TMPRSS6: variants seen among roughly 807,000 people sequenced by gnomAD.
The protein encoded by TMPRSS6 is transmembrane serine protease 6.
TMPRSS6 carries 67 observed loss-of-function variants against 101.5 expected under a neutral mutation model. That is an observed-to-expected ratio of 0.66 (90% confidence interval 0.54 to 0.81). The LOEUF (loss-of-function observed/expected upper bound fraction) is 0.81, where lower values mean the gene tolerates loss of function less well. TMPRSS6 is among the 30% of genes least tolerant of loss of function. TMPRSS6 has a pLI of 0.00. For synonymous variants in TMPRSS6, 453 were observed against 464.9 expected (o/e 0.97, Z 0.33); for missense variants, 1,034 against 1,088.7 (o/e 0.95, Z 0.71).
rs148538569 is a variant in TMPRSS6 at position 37,107,093 on chromosome 22, C to G, written c.-2+2410G>C. On this transcript the variant is annotated intron_variant, in intron 1 of 17. Transcript: ENST00000676104. ...GATCAGAAAGAATGAGTGAATGAAA[C>G]TGCCAAGTCTCTAGGCCCCTGGTAC... is the stretch of plus-strand genomic sequence containing the variant. 9.0e-3 allele frequency among the ~76,000 whole-genome samples: 1,372 copies of G among 152,334 alleles called. 15 individuals are homozygous for G. Among genetic ancestry groups the G allele is most frequent in the Middle Eastern group, 0.017 (5 of 294 alleles).
At chr22:37,071,933 A>C (rs1926953798) in intron 13 of TMPRSS6, among the ~76,000 whole-genome samples, 1 of 151,678 alleles carries the variant, frequency 6.6e-6, no homozygotes. Context: ...TGGATGGATG[A>C]TGGATGGGTG....
chr22:37,078,965 A>AAG (rs1247193223), intron 10 of TMPRSS6, among the ~76,000 whole-genome samples: 16 of 77,806 alleles, frequency 2.1e-4, no homozygotes, highest in African/African-American at 6.2e-4. Flanking sequence ...AAGAGAAAGA[A>AAG]AGAAAGAAAA....
At chr22:37,072,320 T>TG (rs1219107435) in intron 13 of TMPRSS6, among the ~76,000 whole-genome samples, 14 of 134,660 alleles carry the variant, frequency 1.0e-4, no homozygotes, top group Admixed American at 4.4e-4. Flanking sequence ...GATGGATGGA[T>TG]GATGGATGAA....
chr22:37,092,787 C>T (rs1049707528), intron 6 of TMPRSS6, among the ~76,000 whole-genome samples: 9 of 152,232 alleles, frequency 5.9e-5, no homozygotes, highest in African/African-American at 1.9e-4. Context: ...TGTGCCACCA[C>T]GCCCGGCCCA....
chr22:37,071,065 A>G, intron 13 of TMPRSS6, 33 bp from the exon 14 acceptor site: 1 of 1,597,292 alleles, frequency 6.3e-7, no homozygotes, highest in Non-Finnish European at 8.6e-7. Context: ...AGGGCACAGA[A>G]GGTGGGTCTC....
In TMPRSS6 at chr22:37,103,658, C is replaced by A; in HGVS notation, c.-1-240G>T. On this transcript the variant is annotated intron_variant, in intron 1 of 17. Coordinates refer to ENST00000676104, the MANE Select transcript of TMPRSS6 (RefSeq NM_001374504.1). The surrounding 1 kb of genome is among the most constrained non-coding windows in gnomAD (Gnocchi z 4.4). ...CTGGACTGGGTCTGGCTCAAGAACC[C>A]CACCTTTGCTTCCCACTGGCTTCCC... The A allele has an allele frequency of 6.8e-7, 1 of 1,472,856 alleles. No individual in the cohort carries two copies. The allele number at this position is 1,472,856 out of a possible 1,614,324, so 91.2% of individuals were successfully genotyped here.
Position 37,084,736 on chromosome 22 carries a change from C to A in TMPRSS6, c.1077G>T (p.Trp359Cys), listed in dbSNP as rs932506845. ...CAGGGTGGGGTCTCACCGTGAGGTG[C>A]CAGGAGCAGTGGGTTTGGGGCGAGT... Reference protein sequence around the residue: ...SYYSPQTHCSWHLTVPSLDYG... With the variant: ...SYYSPQTHCSCHLTVPSLDYG... Residue 359 changes from tryptophan (W) to cysteine (C), a missense_variant, in exon 9 of 18, where the codon TGG (tryptophan) becomes TGT (cysteine). Coordinates refer to ENST00000676104, the MANE Select transcript of TMPRSS6 (RefSeq NM_001374504.1). 1.3e-6 allele frequency: 2 copies of A among 1,562,176 alleles called. No individual in the cohort carries two copies. Among genetic ancestry groups the A allele is most frequent in the East Asian group, 2.4e-5 (1 of 42,360 alleles).
At chr22:37,092,044 A>G (rs1929312843) in intron 6 of TMPRSS6, among the ~76,000 whole-genome samples, 1 of 151,580 alleles carries the variant, frequency 6.6e-6, no homozygotes, top group African/African-American at 2.4e-5. Context: ...TGTTCTTTAA[A>G]TCTTGCTCCA....
At chr22:37,087,651 A>G (rs11089821) in intron 7 of TMPRSS6, among the ~76,000 whole-genome samples, 74,348 of 151,044 alleles carry the variant, frequency 0.49, 19,580 homozygotes, top group African/African-American at 0.69. Flanking sequence ...CTGCTGCAGC[A>G]CCCAAGTCTC....
In TMPRSS6 at chr22:37,101,799, T is replaced by A. The variant is rs1045611417; in HGVS notation, c.202+1417A>T. Among the ~76,000 whole-genome samples the A allele has an allele frequency of 1.3e-5, 2 of 152,044 alleles. No homozygotes were observed. The highest frequency in any genetic ancestry group is 2.9e-5 in the Non-Finnish European group (2 of 67,994). ...CAAAGAGAAATAATTGGCAGGTGAG[T>A]TCCTGGCCCTCCAGCCCAGTGCCCC... On this transcript the variant is annotated intron_variant, in intron 2 of 17. Coordinates refer to ENST00000676104, the MANE Select transcript of TMPRSS6 (RefSeq NM_001374504.1). This position sits in a 1 kb window ranked among gnomAD's most constrained non-coding sequence, Gnocchi z 4.1.
intron 10 of TMPRSS6, among the ~76,000 whole-genome samples, chr22:37,080,983 C>T (rs917410607): frequency 6.6e-6 from 1 of 152,266 alleles, no homozygotes; most frequent in Admixed American, 6.5e-5. Context: ...TGCATCTGTG[C>T]ACCCACGTGC....
At chr22:37,081,783 C>T (rs943142044) in intron 10 of TMPRSS6, among the ~76,000 whole-genome samples, 1 of 152,202 alleles carries the variant, frequency 6.6e-6, no homozygotes, top group Non-Finnish European at 1.5e-5. Context: ...AAGTCCTTAG[C>T]CCTCGCTGGT....
intron 6 of TMPRSS6, among the ~76,000 whole-genome samples, chr22:37,094,384 TAGA>T (rs1929552124): frequency 1.0e-5 from 1 of 97,760 alleles, no homozygotes; most frequent in East Asian, 3.0e-4. Flanking sequence ...TGATTGATGA[TAGA>T]TAGATAGATA....
At chr22:37,082,890 T>C in intron 10 of TMPRSS6, 1 of 450,486 alleles carries the variant, frequency 2.2e-6, no homozygotes, top group Non-Finnish European at 4.6e-6. Context: ...CCAGATAAAT[T>C]GCAAAAAGGA....
chr22:37,098,681 T>C lies in TMPRSS6; in HGVS notation c.203-132A>G, dbSNP rs8139988. The C allele has an allele frequency of 0.2, 232,366 of 1,167,028 alleles. 24,412 individuals are homozygous for C. Among genetic ancestry groups the C allele is most frequent in the Non-Finnish European group, 0.22 (173,743 of 785,820 alleles). 72.3% of individuals were successfully genotyped at this position (1,167,028 alleles called of 1,614,324 possible). On this transcript the variant is annotated intron_variant, in intron 2 of 17. Coordinates refer to ENST00000676104, the MANE Select transcript of TMPRSS6 (RefSeq NM_001374504.1). ...TCTTGGGTCTCCATGGCACCATCAA[T>C]GTCATCATCATCATCTTTGTCACTC...
chr22:37,087,673 C>T (rs919612143), intron 7 of TMPRSS6, among the ~76,000 whole-genome samples: 1 of 151,982 alleles, frequency 6.6e-6, no homozygotes, highest in Non-Finnish European at 1.5e-5. Context: ...CCAACCACAC[C>T]GGTGCCCCCC....
rs372219913 is a variant in TMPRSS6 at position 37,069,474 on chromosome 22, T to C, written c.1842-130A>G. 43 of 936,176 alleles carry C rather than the reference T, an allele frequency of 4.6e-5. No homozygotes were observed. In the African/African-American group the frequency reaches 6.6e-4, roughly 14 times the overall value. 58.0% of individuals were successfully genotyped at this position (936,176 alleles called of 1,614,324 possible). ...GTGCCCTCCACACCCAGCCCTCCCT[T>C]CCCTCCCTGAAGGTCGCCTAGCTGG... is the stretch of plus-strand genomic sequence containing the variant. On this transcript the variant is annotated intron_variant, in intron 15 of 17. Coordinates refer to ENST00000676104, the MANE Select transcript of TMPRSS6 (RefSeq NM_001374504.1). This position sits in a 1 kb window ranked among gnomAD's most constrained non-coding sequence, Gnocchi z 4.8.
intron 11 of TMPRSS6, 137 bp from the exon 12 acceptor site, chr22:37,074,845 A>C (rs1019820622): frequency 2.2e-6 from 2 of 916,028 alleles, no homozygotes; most frequent in African/African-American, 3.3e-5. Flanking sequence ...GGTCCTGGGC[A>C]CCTGTGTACA....
At chr22:37,092,305 A>C (rs1929339432) in intron 6 of TMPRSS6, among the ~76,000 whole-genome samples, 1 of 150,480 alleles carries the variant, frequency 6.6e-6, no homozygotes, top group South Asian at 2.1e-4. Flanking sequence ...GCCTACCCCC[A>C]TGCCTGAATT....
Sources: gnomAD v4.1 joint callset for allele counts (sites outside exome capture counted in the v4.1 genomes callset) on GRCh38, gnomAD v4.1.1 for gene constraint, Gnocchi (gnomAD v3.1) non-coding constraint, MANE v1.5 for transcripts, NCBI Gene and HGNC (gene_info 2026-07-23, HGNC 2026-07-21) for gene names.